The following PID1 variants were observed in gnomAD, a reference collection of about 807,000 sequenced individuals.
PID1 encodes the protein PTB-containing, cubilin and LRP1-interacting protein.
A neutral mutation model predicts 19.1 loss-of-function variants in PID1; 10 were observed. The observed-to-expected ratio is 0.52, with a 90% confidence interval of 0.32 to 0.89. PID1 has a LOEUF of 0.89. Among genes scored for constraint, PID1 ranks in the 40% least tolerant of loss-of-function variants. The pLI, the probability that PID1 is intolerant of heterozygous loss-of-function variation, is 0.03. For missense variants in PID1, 248 were observed against 285.3 expected (o/e 0.87, Z 0.94); for synonymous variants, 130 against 116.0 (o/e 1.12, Z -0.78).
intron 1 of PID1, chr2:229,228,131 G>A (rs954981350): frequency 2.2e-5 from 10 of 445,014 alleles, no homozygotes; most frequent in Non-Finnish European, 4.1e-5. Context: ...TCGAGATAAA[G>A]AACCTGCAAT....
At chr2:229,143,618 A>G (rs963895813) in intron 2 of PID1, among the ~76,000 whole-genome samples, 2 of 152,154 alleles carry the variant, frequency 1.3e-5, no homozygotes, top group African/African-American at 4.8e-5. Context: ...TTGAGGGATG[A>G]TACGGTTTGG....
chr2:229,073,446 A>G (rs1694497873), intron 2 of PID1, among the ~76,000 whole-genome samples: 1 of 152,262 alleles, frequency 6.6e-6, no homozygotes, highest in African/African-American at 2.4e-5. Context: ...ATTATGGTGT[A>G]GTTGCATGAA....
intron 1 of PID1, among the ~76,000 whole-genome samples, chr2:229,191,966 C>T (rs1691269273): frequency 6.6e-6 from 1 of 152,046 alleles, no homozygotes. Flanking sequence ...TTAAAGGCAC[C>T]CAATTAATAT....
At position 229,250,637 on chromosome 2, in the gene PID1, T is replaced by TG. The variant is rs1323314798; in HGVS notation, c.30+20376dup. Among the ~76,000 whole-genome samples, 7 of 152,306 alleles carry TG rather than the reference T, an allele frequency of 4.6e-5. No individual in the cohort carries two copies. The East Asian group carries it at 1.2e-3, about 25-fold the overall frequency. Reference sequence around the variant, plus strand: ...CTTATTGACAGAACTCCGATTTGGTTGGGGGCAAAAAAGTGCCCAGTTAAA... The same window carrying TG: ...CTTATTGACAGAACTCCGATTTGGTTGGGGGGCAAAAAAGTGCCCAGTTAAA... On this transcript the variant is annotated intron_variant, in intron 1 of 2. Coordinates refer to ENST00000392055, the MANE Select transcript of PID1 (RefSeq NM_001100818.2).
intron 2 of PID1, among the ~76,000 whole-genome samples, chr2:229,082,805 G>C (rs1289639160): frequency 6.6e-6 from 1 of 152,148 alleles, no homozygotes; most frequent in East Asian, 1.9e-4. Context: ...CTAGATTTCA[G>C]ATTTTTAAGG....
At chr2:229,151,771 C>G (rs1574671393) in intron 2 of PID1, among the ~76,000 whole-genome samples, 1 of 152,192 alleles carries the variant, frequency 6.6e-6, no homozygotes, top group Non-Finnish European at 1.5e-5. Context: ...GGGTTTTCAA[C>G]GTGTTAGCCA....
At chr2:229,233,279 A>G (rs1692254967) in intron 1 of PID1, among the ~76,000 whole-genome samples, 1 of 152,190 alleles carries the variant, frequency 6.6e-6, no homozygotes, top group African/African-American at 2.4e-5. Context: ...TGCAAAGAGA[A>G]CAACAGGATA....
At chr2:229,126,450 ATT>A (rs1695625501) in intron 2 of PID1, among the ~76,000 whole-genome samples, 1 of 152,112 alleles carries the variant, frequency 6.6e-6, no homozygotes, top group Non-Finnish European at 1.5e-5. Context: ...TGTATTACAC[ATT>A]TCTCAGCTAA....
At chr2:229,257,790 G>C (rs1412963181) in intron 1 of PID1, among the ~76,000 whole-genome samples, 1 of 152,142 alleles carries the variant, frequency 6.6e-6, no homozygotes, top group Non-Finnish European at 1.5e-5. Flanking sequence ...TTTTTACTGA[G>C]GGTCAGTTGC....
intron 1 of PID1, among the ~76,000 whole-genome samples, chr2:229,204,306 A>G (rs1231399236): frequency 6.6e-6 from 1 of 152,174 alleles, no homozygotes; most frequent in Non-Finnish European, 1.5e-5. Context: ...CAACTTCAGA[A>G]TTATGTGTAC....
In PID1 at chr2:229,122,068, T is replaced by C. The variant is rs183116980; in HGVS notation, c.177+33750A>G. Among the ~76,000 whole-genome samples the C allele has an allele frequency of 1.6e-3, 241 of 152,308 alleles. 2 individuals carry two copies. The highest frequency in any genetic ancestry group is 6.8e-3 in the Middle Eastern group (2 of 294). On this transcript the variant is annotated intron_variant, in intron 2 of 2. Coordinates refer to ENST00000392055, the MANE Select transcript of PID1 (RefSeq NM_001100818.2). The stretch of plus-strand genomic sequence containing the variant: ...AAAATATCTGGACTGTCACTTTTAC[T>C]AAAAATAAATTTTTCATAAACATCT...
intron 2 of PID1, among the ~76,000 whole-genome samples, chr2:229,147,318 T>G (rs1690155746): frequency 6.6e-6 from 1 of 152,056 alleles, no homozygotes; most frequent in South Asian, 2.1e-4. Context: ...CCAAATAAAT[T>G]TTTTCTTTAA....
intron 1 of PID1, among the ~76,000 whole-genome samples, chr2:229,189,661 C>A (rs1331944364): frequency 2.0e-5 from 3 of 152,204 alleles, no homozygotes; most frequent in Non-Finnish European, 4.4e-5. Flanking sequence ...TGCACCACTG[C>A]ACTCTAGCCT....
chr2:229,202,948 C>G (rs1691530225), intron 1 of PID1, among the ~76,000 whole-genome samples: 1 of 152,026 alleles, frequency 6.6e-6, no homozygotes, highest in South Asian at 2.1e-4. Context: ...TAAACAAAAC[C>G]ATGGATCCTC....
At chr2:229,227,817 A>T (rs755197983) in intron 1 of PID1, 1 of 315,808 alleles carries the variant, frequency 3.2e-6, no homozygotes, top group Non-Finnish European at 6.4e-6. Flanking sequence ...TTTTCTTGTC[A>T]TTATCTCCCA....
intron 2 of PID1, among the ~76,000 whole-genome samples, chr2:229,136,969 A>G (rs919967070): frequency 2.4e-4 from 36 of 152,126 alleles, no homozygotes; most frequent in African/African-American, 8.7e-4. Flanking sequence ...GAAAAATCCA[A>G]CTCCCTTAAG....
intron 2 of PID1, among the ~76,000 whole-genome samples, chr2:229,038,987 A>G (rs1693716066): frequency 6.6e-6 from 1 of 152,214 alleles, no homozygotes; most frequent in African/African-American, 2.4e-5. Flanking sequence ...GAATCTCACA[A>G]TGTAACTAAG....
At chr2:229,152,570 A>C (rs1236356791) in intron 2 of PID1, among the ~76,000 whole-genome samples, 1 of 152,060 alleles carries the variant, frequency 6.6e-6, no homozygotes, top group Non-Finnish European at 1.5e-5. Context: ...CTGCAGCAAA[A>C]TCACACACAG....
chr2:229,259,222 C>A (rs886713130), intron 1 of PID1, among the ~76,000 whole-genome samples: 5 of 151,972 alleles, frequency 3.3e-5, no homozygotes, highest in African/African-American at 1.2e-4. Flanking sequence ...GATTCTCTTT[C>A]TTATTATTCA....
Sources: gnomAD v4.1 joint callset for allele counts (sites outside exome capture counted in the v4.1 genomes callset) on GRCh38, gnomAD v4.1.1 for gene constraint, MANE v1.5 for transcripts, NCBI Gene and HGNC (gene_info 2026-07-23, HGNC 2026-07-21) for gene names.